Variants in VAT1L observed in about 807,000 individuals in gnomAD.
VAT1L encodes the protein putative NADPH-dependent quinone oxidoreductase VAT1L.
A neutral mutation model predicts 44.1 loss-of-function variants in VAT1L; 34 were observed. That is an observed-to-expected ratio of 0.77 (90% CI 0.59 to 1.03). The LOEUF (loss-of-function observed/expected upper bound fraction) is 1.03, where lower values mean the gene tolerates loss of function less well. Ranked by LOEUF, VAT1L falls within the 50% of genes least tolerant of loss-of-function variation. The probability of loss-of-function intolerance (pLI) is 0.00; values close to 1 mark genes in which losing one functional copy is unlikely to be tolerated. For missense variants in VAT1L, 615 were observed against 538.8 expected, an observed-to-expected ratio of 1.14 and a Z score of -1.40; for synonymous variants, 253 against 202.2, an observed-to-expected ratio of 1.25 and a Z score of -2.13.
chr16:77,798,003 CATG>C (rs1220651409), intron 1 of VAT1L, among the ~76,000 whole-genome samples: 1 of 152,142 alleles, frequency 6.6e-6, no homozygotes, highest in East Asian at 1.9e-4. Context: ...TATCTTTGAA[CATG>C]ATATTTTCCT....
intron 3 of VAT1L, among the ~76,000 whole-genome samples, chr16:77,852,224 G>A (rs1020060610): frequency 6.6e-5 from 10 of 152,228 alleles, no homozygotes; most frequent in African/African-American, 1.9e-4. Context: ...CTAGAGCAGA[G>A]GAGGGGCTGT....
In VAT1L at chr16:77,879,109, A is replaced by G; in HGVS notation, c.827-60A>G. On this transcript the variant is annotated intron_variant, in intron 5 of 8. Transcript: ENST00000302536. This position sits in a 1 kb window ranked among gnomAD's most constrained non-coding sequence, Gnocchi z 4.1. ...CAAACAATTGCCATTTTTTTCATGC[A>G]TAACAAGAGATGTCCATTTTCATTA... 3.2e-6 allele frequency: 5 copies of G among 1,565,872 alleles called. No individual in the cohort carries two copies. Among genetic ancestry groups the G allele is most frequent in the South Asian group, 1.1e-5 (1 of 88,966 alleles).
At chr16:77,891,064 C>T (rs763508305) in intron 7 of VAT1L, among the ~76,000 whole-genome samples, 14 of 152,070 alleles carry the variant, frequency 9.2e-5, no homozygotes, top group Non-Finnish European at 1.5e-4. Flanking sequence ...ATTAAAAATT[C>T]AGCTTCTCGG....
At chr16:77,870,193 C>A (rs577323578) in intron 4 of VAT1L, among the ~76,000 whole-genome samples, 1 of 152,164 alleles carries the variant, frequency 6.6e-6, no homozygotes, top group Non-Finnish European at 1.5e-5. Flanking sequence ...AAGAAGCCTA[C>A]CGTAGAGTAG....
chr16:77,840,293 G>A (rs563365726), intron 3 of VAT1L, among the ~76,000 whole-genome samples: 50 of 152,314 alleles, frequency 3.3e-4, no homozygotes, highest in African/African-American at 1.2e-3. Context: ...GGTAGTCAGG[G>A]AAGTTCTCAT....
intron 7 of VAT1L, among the ~76,000 whole-genome samples, chr16:77,891,800 C>T (rs551753617): frequency 1.3e-5 from 2 of 152,044 alleles, no homozygotes; most frequent in African/African-American, 2.4e-5. Flanking sequence ...AGGCCGGGCG[C>T]GGTGGCTCAT....
At chr16:77,812,844 C>T (rs1210997299) in intron 1 of VAT1L, among the ~76,000 whole-genome samples, 2 of 152,136 alleles carry the variant, frequency 1.3e-5, no homozygotes, top group Non-Finnish European at 2.9e-5. Flanking sequence ...TTAAACCTAG[C>T]CTCTGACTAA....
chr16:77,856,657 T>C (rs535187114), intron 3 of VAT1L, among the ~76,000 whole-genome samples: 9 of 152,346 alleles, frequency 5.9e-5, no homozygotes, highest in Middle Eastern at 3.4e-3. Context: ...CCCTGCTGCC[T>C]GTGCTCTGAT....
In VAT1L at chr16:77,980,042, G is replaced by A. The variant is rs2018383579; in HGVS notation, c.*2347G>A. 3 of 152,566 alleles carry A rather than the reference G, an allele frequency of 2.0e-5. No individual in the cohort carries two copies. The highest frequency in any genetic ancestry group is 2.0e-4 in the Admixed American group (3 of 15,282). 9.5% of individuals were successfully genotyped at this position (152,566 alleles called of 1,614,324 possible). A position where few individuals can be genotyped will look rare whatever the true frequency, so the allele number is the denominator to read the frequency against. The stretch of plus-strand genomic sequence containing the variant: ...GTGGCTTTAGAGCTTTTGTTATATT[G>A]TGCCTATAAAGCAAATTATGTTTAC... On this transcript the variant is annotated 3_prime_UTR_variant, in exon 9 of 9. Coordinates refer to ENST00000302536, the MANE Select transcript of VAT1L (RefSeq NM_020927.3).
chr16:77,916,960 T>C (rs1273118804), intron 7 of VAT1L, among the ~76,000 whole-genome samples: 3 of 152,228 alleles, frequency 2.0e-5, no homozygotes, highest in South Asian at 4.1e-4. Flanking sequence ...GGAGTTCTAA[T>C]AGACATTGTT....
chr16:77,899,309 ATGACTTTGTCC>A (rs1036998881), intron 7 of VAT1L, among the ~76,000 whole-genome samples: 1 of 152,190 alleles, frequency 6.6e-6, no homozygotes, highest in African/African-American at 2.4e-5. Flanking sequence ...AGGAGCGGCG[ATGACTTTGTCC>A]TGAGCTCTTC....
intron 2 of VAT1L, among the ~76,000 whole-genome samples, chr16:77,817,732 C>G (rs1016375464): frequency 2.6e-5 from 4 of 152,032 alleles, no homozygotes; most frequent in Non-Finnish European, 4.4e-5. Context: ...GATGTATGAC[C>G]CTTCCTACTA....
At chr16:77,920,113 C>T (rs185594446) in intron 7 of VAT1L, among the ~76,000 whole-genome samples, 5 of 152,214 alleles carry the variant, frequency 3.3e-5, no homozygotes, top group Non-Finnish European at 5.9e-5. Flanking sequence ...AAACCGTATC[C>T]GGATACAAAC....
At chr16:77,846,394 A>G (rs1424882096) in intron 3 of VAT1L, among the ~76,000 whole-genome samples, 1 of 152,182 alleles carries the variant, frequency 6.6e-6, no homozygotes, top group Non-Finnish European at 1.5e-5. Context: ...AATTTTACTG[A>G]ACCCTTTGAC....
intron 7 of VAT1L, among the ~76,000 whole-genome samples, chr16:77,935,442 A>C (rs2017782543): frequency 6.6e-6 from 1 of 151,612 alleles, no homozygotes; most frequent in South Asian, 2.1e-4. Context: ...AATACCTTCC[A>C]ATTAGCACAA....
At chr16:77,908,903 G>C (rs1248444286) in intron 7 of VAT1L, among the ~76,000 whole-genome samples, 1 of 152,094 alleles carries the variant, frequency 6.6e-6, no homozygotes, top group Non-Finnish European at 1.5e-5. Context: ...GACAGAGCAA[G>C]ACCCCGTCTT....
At position 77,789,028 on chromosome 16, in the gene VAT1L, C is replaced by A. The variant is rs915648096; in HGVS notation, c.233+113C>A. 9 of 1,256,168 alleles carry A rather than the reference C, an allele frequency of 7.2e-6. No homozygotes were observed. The East Asian group carries it at 8.4e-5, about 12-fold the overall frequency. 77.8% of individuals were successfully genotyped at this position (1,256,168 alleles called of 1,614,324 possible). A position where few individuals can be genotyped will look rare whatever the true frequency, so the allele number is the denominator to read the frequency against. Reference sequence around the variant, plus strand: ...CCGGGTAGAACCGCCGCGCGCACCCCCTCCGCGCCCTCACCCGGGTCTCAG... The same window carrying A: ...CCGGGTAGAACCGCCGCGCGCACCCACTCCGCGCCCTCACCCGGGTCTCAG... On this transcript the variant is annotated intron_variant, in intron 1 of 8. Transcript: ENST00000302536.
chr16:77,918,284 A>G (rs1293456499), intron 7 of VAT1L, among the ~76,000 whole-genome samples: 1 of 152,206 alleles, frequency 6.6e-6, no homozygotes, highest in African/African-American at 2.4e-5. Flanking sequence ...AAAGATTTAG[A>G]AACATTTTTC....
intron 7 of VAT1L, among the ~76,000 whole-genome samples, chr16:77,962,445 A>AG (rs1247297081): frequency 6.6e-6 from 1 of 152,080 alleles, no homozygotes; most frequent in African/African-American, 2.4e-5. Context: ...GAGGAAGGCC[A>AG]GGGTAGGCCC....
Sources: gnomAD v4.1 joint callset for allele counts (sites outside exome capture counted in the v4.1 genomes callset) on GRCh38, gnomAD v4.1.1 for gene constraint, Gnocchi (gnomAD v3.1) non-coding constraint, MANE v1.5 for transcripts, NCBI Gene and HGNC (gene_info 2026-07-23, HGNC 2026-07-21) for gene names.